FBXL2: variants seen among roughly 807,000 people sequenced by gnomAD.
The protein encoded by FBXL2 is F-box and leucine rich repeat protein 2, also known as F-box/LRR-repeat protein 2.
FBXL2 carries 38 observed loss-of-function variants against 69.2 expected under a neutral mutation model. That is an observed-to-expected ratio of 0.55 (90% CI 0.42 to 0.72). FBXL2 has a LOEUF of 0.72. FBXL2 is among the 30% of genes least tolerant of loss of function. The probability of loss-of-function intolerance (pLI) is 0.00; values close to 1 mark genes in which losing one functional copy is unlikely to be tolerated. For missense variants in FBXL2, 354 were observed against 520.3 expected (o/e 0.68, Z 3.11); for synonymous variants, 192 against 201.3 (o/e 0.95, Z 0.39).
chr3:33,383,956 C>T, intron 13 of FBXL2, 33 bp from the exon 14 acceptor site: 2 of 1,603,674 alleles, frequency 1.2e-6, no homozygotes, highest in Middle Eastern at 1.7e-4. Flanking sequence ...AATAAGGGTC[C>T]TGCAAACATT....
intron 1 of FBXL2, among the ~76,000 whole-genome samples, chr3:33,281,599 A>G (rs2034013711): frequency 6.6e-6 from 1 of 152,164 alleles, no homozygotes; most frequent in African/African-American, 2.4e-5. Flanking sequence ...TTCTAGTTCT[A>G]GATCCTTGAG....
rs1213955114 is a variant in FBXL2, at chr3:33,384,196, A to G, written c.1159A>G (p.Met387Val). Residue 387 changes from methionine (M) to valine (V), a missense_variant, in exon 14 of 15, where the codon ATG becomes GTG. Transcript: ENST00000484457. ...GGTTACCCGTGCAGGCATCAAGCGG[A>G]TGCGGGTAGGTATGGGGCAGGGGAG... ...QQVTRAGIKR[M>V]RAQLPHVKVH... 1.4e-5 allele frequency: 22 copies of G among 1,613,824 alleles called. No homozygotes were observed. Among genetic ancestry groups the G allele is most frequent in the African/African-American group, 1.3e-5 (1 of 74,924 alleles).
At chr3:33,396,313 G>A in intron 12 of FBXL2, 1 of 1,511,076 alleles carries the variant, frequency 6.6e-7, no homozygotes, top group Non-Finnish European at 9.1e-7. Flanking sequence ...ATGAGCCTGG[G>A]AGAGAAAGCT....
At chr3:33,402,464 A>G (rs1358895204) in intron 12 of FBXL2, among the ~76,000 whole-genome samples, 1 of 152,250 alleles carries the variant, frequency 6.6e-6, no homozygotes, top group Non-Finnish European at 1.5e-5. Flanking sequence ...GAACTTAGTA[A>G]TAAACTCACT....
chr3:33,282,570 C>A (rs2034146278), intron 1 of FBXL2, among the ~76,000 whole-genome samples: 1 of 152,018 alleles, frequency 6.6e-6, no homozygotes, highest in Non-Finnish European at 1.5e-5. Flanking sequence ...GTAGTTTTTT[C>A]CAATTCTGTG....
chr3:33,277,878 T>A (rs2033486574), intron 1 of FBXL2, among the ~76,000 whole-genome samples: 1 of 152,188 alleles, frequency 6.6e-6, no homozygotes, highest in Non-Finnish European at 1.5e-5. Flanking sequence ...TGTATATGGA[T>A]ATCATATGTA....
downstream of FBXL2, among the ~76,000 whole-genome samples, chr3:33,404,319 G>T (rs2044354992): frequency 6.6e-6 from 1 of 152,058 alleles, no homozygotes; most frequent in African/African-American, 2.4e-5. Context: ...GGCTGAGGCA[G>T]GAGAATCGCT....
chr3:33,418,128 G>A, the FBXL2 span, among the ~76,000 whole-genome samples: 1 of 152,040 alleles, frequency 6.6e-6, no homozygotes, highest in Admixed American at 6.5e-5. Context: ...TCAAAATGAA[G>A]AATATAAAGT....
At chr3:33,379,606 C>T (rs1467492295) in intron 13 of FBXL2, among the ~76,000 whole-genome samples, 1 of 151,414 alleles carries the variant, frequency 6.6e-6, no homozygotes, top group Non-Finnish European at 1.5e-5. Context: ...CCACCTGCCT[C>T]GGCCTCCCAA....
intron 2 of FBXL2, among the ~76,000 whole-genome samples, chr3:33,337,065 C>T (rs368969476): frequency 2.7e-5 from 4 of 146,738 alleles, no homozygotes; most frequent in East Asian, 2.0e-4. Context: ...ATCAGCTGGA[C>T]GTGGCGGCGT....
chr3:33,290,651 A>G (rs1018913129), intron 1 of FBXL2, among the ~76,000 whole-genome samples: 5 of 152,238 alleles, frequency 3.3e-5, no homozygotes, highest in African/African-American at 1.2e-4. Flanking sequence ...AGAAGAAAGC[A>G]CCAGTAAACT....
chr3:33,326,776 G>C (rs1052600910), intron 2 of FBXL2, among the ~76,000 whole-genome samples: 23 of 152,180 alleles, frequency 1.5e-4, no homozygotes, highest in Non-Finnish European at 2.9e-4. Context: ...AAAGAATTGA[G>C]GCTGTAGTTT....
intron 2 of FBXL2, among the ~76,000 whole-genome samples, chr3:33,314,793 G>A (rs1213857311): frequency 5.9e-5 from 9 of 152,004 alleles, no homozygotes; most frequent in Non-Finnish European, 7.4e-5. Flanking sequence ...CTAACAACTC[G>A]GAAGCCAATA....
At chr3:33,339,539 A>C (rs2039855824) in intron 2 of FBXL2, among the ~76,000 whole-genome samples, 1 of 152,194 alleles carries the variant, frequency 6.6e-6, no homozygotes, top group African/African-American at 2.4e-5. Flanking sequence ...GGAGACATGG[A>C]GGCCTTCTTG....
At chr3:33,297,632 T>C (rs2035861699) in intron 1 of FBXL2, 32 bp from the exon 2 acceptor site, 1 of 1,381,292 alleles carries the variant, frequency 7.2e-7, no homozygotes. Flanking sequence ...TAAAGAACAT[T>C]TTCACAATTT....
chr3:33,408,591 A>G (rs1350304206), downstream of FBXL2: 12 of 926,962 alleles, frequency 1.3e-5, no homozygotes, highest in Non-Finnish European at 1.3e-5. Flanking sequence ...CATGGACATC[A>G]AAAACAATTT....
intron 2 of FBXL2, among the ~76,000 whole-genome samples, chr3:33,314,795 A>G (rs190020206): frequency 2.7e-3 from 418 of 152,330 alleles, no homozygotes; most frequent in Admixed American, 7.8e-3. Context: ...AACAACTCGG[A>G]AGCCAATACA....
chr3:33,311,900 G>A (rs529832758), intron 2 of FBXL2, among the ~76,000 whole-genome samples: 74 of 151,558 alleles, frequency 4.9e-4, no homozygotes, highest in Non-Finnish European at 2.5e-4. Flanking sequence ...TGGGATTACA[G>A]GCATGCGCTA....
At chr3:33,378,794 C>T (rs2042814238) in intron 13 of FBXL2, 53 bp downstream of exon 13, 1 of 1,613,854 alleles carries the variant, frequency 6.2e-7, no homozygotes. Flanking sequence ...AAAGAGCCCT[C>T]CCACCACAAC....
Sources: gnomAD v4.1 joint callset for allele counts (sites outside exome capture counted in the v4.1 genomes callset) on GRCh38, gnomAD v4.1.1 for gene constraint, MANE v1.5 for transcripts, NCBI Gene and HGNC (gene_info 2026-07-23, HGNC 2026-07-21) for gene names.